Variants in RIMS2 observed in about 807,000 individuals in gnomAD.
RIMS2 encodes the protein regulating synaptic membrane exocytosis protein 2.
RIMS2 carries 59 observed loss-of-function variants against 174.4 expected under a neutral mutation model. The ratio of observed to expected loss-of-function variants is 0.34; its 90% confidence interval spans 0.27 to 0.42. The LOEUF is 0.42. Among genes scored for constraint, RIMS2 ranks in the 10% least tolerant of loss-of-function variants. RIMS2 has a pLI of 1.00. For synonymous variants in RIMS2, 606 were observed against 572.5 expected (o/e 1.06, Z -0.84); for missense variants, 1,620 against 1,666.3 (o/e 0.97, Z 0.48).
intron 1 of RIMS2, among the ~76,000 whole-genome samples, chr8:103,555,579 G>A (rs1295535302): frequency 6.6e-6 from 1 of 152,044 alleles, no homozygotes; most frequent in African/African-American, 2.4e-5. Context: ...GTTCATTGTG[G>A]CATTATTCGC....
chr8:103,766,132 C>G (rs1241140418), intron 2 of RIMS2, 95 bp from the exon 6 acceptor site: 1 of 722,950 alleles, frequency 1.4e-6, no homozygotes, highest in East Asian at 2.6e-5. Context: ...GAAGGATAAC[C>G]ACGTAATTTT....
At chr8:103,975,581 G>T (rs994069625) in intron 16 of RIMS2, 75 bp downstream of exon 18, 8 of 991,958 alleles carry the variant, frequency 8.1e-6, no homozygotes, top group Non-Finnish European at 1.1e-5. Context: ...AAACTAATAG[G>T]ATATATGTAT....
chr8:104,117,410 G>A (rs956468165), intron 19 of RIMS2, among the ~76,000 whole-genome samples: 7 of 150,074 alleles, frequency 4.7e-5, no homozygotes, highest in African/African-American at 1.5e-4. Flanking sequence ...TTTAATAGAA[G>A]CAAGGTCTTG....
At chr8:104,055,318 A>T (rs1464931898) in intron 19 of RIMS2, among the ~76,000 whole-genome samples, 1 of 152,192 alleles carries the variant, frequency 6.6e-6, no homozygotes. Flanking sequence ...TTTGATAATT[A>T]TGTCATATGA....
chr8:103,752,597 C>T (rs988189385), intron 2 of RIMS2, among the ~76,000 whole-genome samples: 1 of 152,168 alleles, frequency 6.6e-6, no homozygotes, highest in African/African-American at 2.4e-5. Flanking sequence ...TTTGTATCCT[C>T]TTTAATTTCA....
exon 11 of RIMS2, chr8:103,927,850 C>A: frequency 6.2e-7 from 1 of 1,607,354 alleles, no homozygotes; most frequent in Non-Finnish European, 8.5e-7. Context: ...AGAGCCAAAG[C>A]CTTAGTAGAA....
chr8:103,891,457 A>G (rs1233303029), intron 4 of RIMS2, among the ~76,000 whole-genome samples: 1 of 152,034 alleles, frequency 6.6e-6, no homozygotes, highest in Non-Finnish European at 1.5e-5. Context: ...TTTAATCTTA[A>G]TATTATAATC....
intron 3 of RIMS2, among the ~76,000 whole-genome samples, chr8:103,774,095 T>C (rs1224723868): frequency 2.0e-5 from 3 of 152,112 alleles, no homozygotes; most frequent in Non-Finnish European, 2.9e-5. Flanking sequence ...TGAGCTGAGA[T>C]TGCACCACTG....
At chr8:103,534,830 CA>C (rs1839047587) in intron 1 of RIMS2, among the ~76,000 whole-genome samples, 1 of 152,126 alleles carries the variant, frequency 6.6e-6, no homozygotes, top group Non-Finnish European at 1.5e-5. Flanking sequence ...GTTAGCACTA[CA>C]CATTATCCTT....
chr8:104,087,022 AT>A (rs902521688), intron 19 of RIMS2, among the ~76,000 whole-genome samples: 11 of 151,924 alleles, frequency 7.2e-5, no homozygotes, highest in Non-Finnish European at 1.5e-4. Flanking sequence ...GTAAATTGGA[AT>A]TTTTTTTCCT....
At chr8:103,545,000 A>C (rs900780999) in intron 1 of RIMS2, among the ~76,000 whole-genome samples, 2 of 152,212 alleles carry the variant, frequency 1.3e-5, no homozygotes, top group Non-Finnish European at 2.9e-5. Flanking sequence ...CTTCCTTCCA[A>C]GTGACCACAC....
At chr8:103,740,315 C>T (rs140395901) in intron 2 of RIMS2, among the ~76,000 whole-genome samples, 104 of 152,300 alleles carry the variant, frequency 6.8e-4, no homozygotes, top group African/African-American at 2.2e-3. Context: ...GTGAGTATTA[C>T]TGCATAAGCC....
intron 2 of RIMS2, 21 bp downstream of exon 4, chr8:103,697,317 G>C (rs780429084): frequency 1.5e-5 from 23 of 1,533,714 alleles, no homozygotes; most frequent in Non-Finnish European, 2.1e-5. Context: ...GAAAATTACA[G>C]TTCTCTTCTA....
chr8:104,182,821 A>G (rs531273394), intron 19 of RIMS2, among the ~76,000 whole-genome samples: 2 of 151,842 alleles, frequency 1.3e-5, no homozygotes, highest in Non-Finnish European at 3.0e-5. Flanking sequence ...TTTCTCCTCT[A>G]TGAAGTGAAG....
chr8:103,705,595 A>G (rs556971848), intron 2 of RIMS2, among the ~76,000 whole-genome samples: 4 of 152,098 alleles, frequency 2.6e-5, no homozygotes, highest in Admixed American at 6.6e-5. Context: ...CTTCTTTTAG[A>G]TGTAATAATA....
exon 8 of RIMS2, chr8:103,916,509 G>A: frequency 2.5e-6 from 4 of 1,610,372 alleles, no homozygotes; most frequent in South Asian, 2.2e-5. Context: ...TGAACCACAA[G>A]TAGAACTTGT....
At chr8:104,009,810 C>A (rs1338759232) in intron 17 of RIMS2, among the ~76,000 whole-genome samples, 1 of 152,032 alleles carries the variant, frequency 6.6e-6, no homozygotes, top group Non-Finnish European at 1.5e-5. Flanking sequence ...GACATCTTTC[C>A]AATATAAACA....
At chr8:103,668,897 C>T (rs796251075) in intron 1 of RIMS2, among the ~76,000 whole-genome samples, 23 of 152,114 alleles carry the variant, frequency 1.5e-4, no homozygotes, top group African/African-American at 5.1e-4. Flanking sequence ...GGTGACTGTC[C>T]AGCCTCTCTC....
intron 2 of RIMS2, among the ~76,000 whole-genome samples, chr8:103,708,559 C>G (rs539770671): frequency 6.6e-6 from 1 of 152,262 alleles, no homozygotes; most frequent in South Asian, 2.1e-4. Flanking sequence ...TTGCCAGGGA[C>G]ATGATCACAG....
Sources: allele counts gnomAD v4.1 joint callset (sites outside exome capture counted in the v4.1 genomes callset), GRCh38; gene constraint gnomAD v4.1.1; transcripts MANE v1.5; gene names NCBI Gene and HGNC (gene_info 2026-07-23, HGNC 2026-07-21).